PUM3: variants seen among roughly 807,000 people sequenced by gnomAD.
The protein encoded by PUM3 is pumilio homolog 3.
PUM3 carries 91 observed loss-of-function variants against 84.0 expected under a neutral mutation model. That is an observed-to-expected ratio of 1.08 (90% CI 0.91 to 1.29). The LOEUF (loss-of-function observed/expected upper bound fraction) is 1.29. Ranked by LOEUF, PUM3 falls within the 50% of genes most tolerant of loss-of-function variation. The pLI, the probability that PUM3 is intolerant of heterozygous loss-of-function variation, is 0.00. For missense variants in PUM3, 1,067 were observed against 767.5 expected (o/e 1.39, Z -4.61); for synonymous variants, 321 against 266.7 (o/e 1.20, Z -1.98).
At position 2,824,749 on chromosome 9, in the gene PUM3, CCA is replaced by C; in HGVS notation, c.1100_1101del (p.Val367GlyfsTer25). On this transcript the variant is annotated frameshift_variant, in exon 11 of 18. Transcript: ENST00000397885. LOFTEE classifies it high-confidence loss of function. Reference sequence around the variant, plus strand: ...GTGCCATGCCACAGGCAGTGCATGGCCACTCTGGCGCCATCGTGTGTGTGTGC... The same window carrying C: ...GTGCCATGCCACAGGCAGTGCATGGCCTCTGGCGCCATCGTGTGTGTGTGC... ...YLAHTHDGAR[V>X]AMHCLWHGTP... 1 of 1,582,840 alleles carries C rather than the reference CCA, an allele frequency of 6.3e-7. No individual in the cohort carries two copies.
rs1291967183 is a variant in PUM3 at position 2,827,106 on chromosome 9, G to C, written c.1002C>G (p.Asp334Glu). The C allele has an allele frequency of 1.9e-6, 3 of 1,609,212 alleles. No homozygotes were observed. The highest frequency in any genetic ancestry group is 3.4e-5 in the Admixed American group (2 of 59,250). Reference protein sequence around the residue: ...KHSLVHKVFLDFFTYAPPKLR... With the variant: ...KHSLVHKVFLEFFTYAPPKLR... ...GTTTGGGGGGTGCATAGGTAAAAAAGTCCAAGAATACTTTATGCACCAATG... is the reference window on the plus strand; with the variant it reads ...GTTTGGGGGGTGCATAGGTAAAAAACTCCAAGAATACTTTATGCACCAATG... The change falls in exon 10 of 18, where the codon GAC (aspartate) becomes GAG (glutamate). Residue 334 changes from aspartate to glutamate, a missense_variant. By Grantham distance (45) the Asp-to-Glu change is conservative. Transcript: ENST00000397885.
In PUM3 at chr9:2,843,862, G is replaced by C. The variant is rs528531697; in HGVS notation, c.-11+183C>G. On this transcript the variant is annotated intron_variant, in intron 1 of 17. Coordinates refer to ENST00000397885, the MANE Select transcript of PUM3 (RefSeq NM_014878.5). ...CAAAGTGCTGGGATTACAGGCGTGA[G>C]CCACCGCGCCCGGCCAGTCCCGCCC... is the stretch of plus-strand genomic sequence containing the variant. Among the ~76,000 whole-genome samples, 322 of 152,278 alleles carry C rather than the reference G, an allele frequency of 2.1e-3. 1 individual carries two copies. The highest frequency in any genetic ancestry group is 7.5e-3 in the African/African-American group (313 of 41,554).
At chr9:2,831,664 CTTTGA>C (rs1174619193) in intron 5 of PUM3, among the ~76,000 whole-genome samples, 2 of 152,084 alleles carry the variant, frequency 1.3e-5, no homozygotes, top group African/African-American at 4.8e-5. Flanking sequence ...CTTCTCATTT[CTTTGA>C]TAAGTTACCG....
chr9:2,839,408 G>C (rs550763294), intron 1 of PUM3, among the ~76,000 whole-genome samples: 21 of 152,332 alleles, frequency 1.4e-4, no homozygotes, highest in African/African-American at 4.8e-4. Flanking sequence ...ATTACCATAA[G>C]AGAAAAGAAG....
chr9:2,842,007 C>T (rs893835936), intron 1 of PUM3, among the ~76,000 whole-genome samples: 1 of 152,150 alleles, frequency 6.6e-6, no homozygotes, highest in African/African-American at 2.4e-5. Context: ...CAACTCCTTC[C>T]CTCTTTCCTG....
chr9:2,839,068 G>A (rs1334703779), intron 1 of PUM3, among the ~76,000 whole-genome samples: 2 of 152,178 alleles, frequency 1.3e-5, no homozygotes, highest in Admixed American at 6.5e-5. Context: ...TGTTTTAGAC[G>A]CAGCCAAGCA....
rs145780551 is a variant in PUM3, at chr9:2,836,810, C to CGTGT, written c.304+366_304+369dup. ...CTTACTGATTATTTTTGTGTGTGTGCGTGTGTGTGTGTGTGTTTTGCCCTA... is the reference window on the plus strand; with the variant it reads ...CTTACTGATTATTTTTGTGTGTGTGCGTGTGTGTGTGTGTGTGTGTTTTGCCCTA... On this transcript the variant is annotated intron_variant, in intron 3 of 17. Coordinates refer to ENST00000397885, the MANE Select transcript of PUM3 (RefSeq NM_014878.5). Among the ~76,000 whole-genome samples, 36 of 150,276 alleles carry CGTGT rather than the reference C, an allele frequency of 2.4e-4. No homozygotes were observed. The East Asian group carries it at 3.5e-3, about 15-fold the overall frequency.
At chr9:2,813,625 T>G (rs1821412045) in intron 13 of PUM3, among the ~76,000 whole-genome samples, 1 of 152,212 alleles carries the variant, frequency 6.6e-6, no homozygotes, top group African/African-American at 2.4e-5. Context: ...TCAGATCTGC[T>G]CTTCTTAAAA....
chr9:2,842,541 T>G (rs1041565809), intron 1 of PUM3, among the ~76,000 whole-genome samples: 1 of 152,148 alleles, frequency 6.6e-6, no homozygotes, highest in Non-Finnish European at 1.5e-5. Flanking sequence ...TCAAATTCAG[T>G]TTAAATGACA....
chr9:2,814,618 T>C (rs1369055278), intron 13 of PUM3, among the ~76,000 whole-genome samples: 2 of 152,200 alleles, frequency 1.3e-5, no homozygotes, highest in Non-Finnish European at 2.9e-5. Flanking sequence ...AACCAACACA[T>C]AAGAGAGGAC....
chr9:2,827,984 A>G (rs1206168016), intron 9 of PUM3, among the ~76,000 whole-genome samples: 3 of 152,176 alleles, frequency 2.0e-5, no homozygotes, highest in Admixed American at 1.3e-4. Flanking sequence ...CCACTACTGG[A>G]CAGATGCCAT....
chr9:2,823,728 G>T, intron 12 of PUM3, 53 bp downstream of exon 12: 2 of 760,802 alleles, frequency 2.6e-6, no homozygotes, highest in Admixed American at 3.1e-5. Flanking sequence ...TAATAGACAT[G>T]AATTCATCTT....
At chr9:2,839,575 C>G (rs935287263) in intron 1 of PUM3, among the ~76,000 whole-genome samples, 1 of 152,190 alleles carries the variant, frequency 6.6e-6, no homozygotes, top group Non-Finnish European at 1.5e-5. Context: ...AGTTGAACCA[C>G]TTTTTCCTGG....
intron 3 of PUM3, among the ~76,000 whole-genome samples, chr9:2,835,065 A>G (rs1183452487): frequency 6.6e-6 from 1 of 151,914 alleles, no homozygotes; most frequent in Non-Finnish European, 1.5e-5. Flanking sequence ...ACCTAGCTAT[A>G]GCCACTGATA....
chr9:2,831,438 A>G (rs1815977298), intron 5 of PUM3, 94 bp from the exon 6 acceptor site: 6 of 782,732 alleles, frequency 7.7e-6, no homozygotes, highest in Non-Finnish European at 1.3e-5. Flanking sequence ...CTTGTTAGAA[A>G]AAAAGGTAGT....
At chr9:2,831,415 T>G (rs1801538954) in intron 5 of PUM3, 71 bp from the exon 6 acceptor site, 2 of 942,662 alleles carry the variant, frequency 2.1e-6, no homozygotes, top group Admixed American at 2.4e-5. Flanking sequence ...TATTGTGACC[T>G]CTTCTGGAAT....
chr9:2,837,533 T>C (rs986214301), intron 2 of PUM3, 132 bp from the exon 3 acceptor site: 14 of 625,022 alleles, frequency 2.2e-5, no homozygotes, highest in Non-Finnish European at 3.6e-5. Flanking sequence ...ATGCAACATA[T>C]AGCCTTTTGA....
chr9:2,810,480 C>G (rs368947969), intron 15 of PUM3, 49 bp from the exon 16 acceptor site: 1 of 1,301,192 alleles, frequency 7.7e-7, no homozygotes, highest in Non-Finnish European at 1.1e-6. Context: ...TTCATTCATA[C>G]AAATACATTT....
At position 2,807,941 on chromosome 9, in the gene PUM3, A is replaced by T. The variant is rs749218744; in HGVS notation, c.1724-37T>A. ...ACTGAAGCTTAGTGAACATCACATA[A>T]TAAGATATATACTCCCTACCCCCTT... On this transcript the variant is annotated intron_variant, in intron 16 of 17. Transcript: ENST00000397885. 251 of 1,261,188 alleles carry T rather than the reference A, an allele frequency of 2.0e-4. 1 individual carries two copies. The highest frequency in any genetic ancestry group is 1.3e-4 in the Non-Finnish European group (112 of 861,894). 78.1% of individuals were successfully genotyped at this position (1,261,188 alleles called of 1,614,324 possible). A position where few individuals can be genotyped will look rare whatever the true frequency, so the allele number is the denominator to read the frequency against.
Sources: allele counts gnomAD v4.1 joint callset (sites outside exome capture counted in the v4.1 genomes callset), GRCh38; gene constraint gnomAD v4.1.1; transcripts MANE v1.5; gene names NCBI Gene and HGNC (gene_info 2026-07-23, HGNC 2026-07-21).